Variants in SSU72L5 observed in about 807,000 individuals in gnomAD.
The protein encoded by SSU72L5 is SSU72 like 5, also known as RNA polymerase II subunit A C-terminal domain phosphatase SSU72 like protein 5.
chr11:4,234,261 C>T, the SSU72L5 span, among the ~76,000 whole-genome samples: 1 of 140,912 alleles, frequency 7.1e-6, no homozygotes, highest in African/African-American at 2.8e-5. Context: ...TAGATAAGCA[C>T]CTTTTAAATA....
chr11:4,234,125 C>T, the SSU72L5 span, among the ~76,000 whole-genome samples: 5 of 141,082 alleles, frequency 3.5e-5, no homozygotes, highest in South Asian at 7.1e-4. Context: ...TAATTTCATG[C>T]TTATATCATT....
the SSU72L5 span, among the ~76,000 whole-genome samples, chr11:4,234,099 C>A: frequency 2.9e-5 from 4 of 138,124 alleles, no homozygotes; most frequent in South Asian, 2.4e-4. Context: ...GTGCTAGGTG[C>A]ATTACATGGC....
chr11:4,233,227 G>A, the SSU72L5 span: 3 of 523,750 alleles, frequency 5.7e-6, no homozygotes, highest in Non-Finnish European at 1.0e-5. Flanking sequence ...CGTCTCCTCG[G>A]CTCCGAGACC....
chr11:4,233,240 G>A, the SSU72L5 span: 2 of 520,860 alleles, frequency 3.8e-6, no homozygotes, highest in Non-Finnish European at 6.7e-6. Context: ...CCGAGACCCT[G>A]CAGCAGCTGA....
the SSU72L5 span, among the ~76,000 whole-genome samples, chr11:4,234,185 G>A: frequency 1.0e-3 from 147 of 142,148 alleles, 9 homozygotes; most frequent in Admixed American, 0.01. Context: ...TGAGCAAACC[G>A]AGCTGATAAT....
the SSU72L5 span, chr11:4,233,217 C>T: frequency 2.8e-5 from 15 of 531,318 alleles, no homozygotes; most frequent in South Asian, 1.9e-4. Flanking sequence ...TATAGGTGGT[C>T]GTCTCCTCGG....
chr11:4,234,049 G>A, the SSU72L5 span, among the ~76,000 whole-genome samples: 1 of 131,428 alleles, frequency 7.6e-6, no homozygotes, highest in Admixed American at 7.7e-5. Flanking sequence ...GAAATGAGAA[G>A]GACTAACATT....
At chr11:4,234,205 G>A in the SSU72L5 span, among the ~76,000 whole-genome samples, 1 of 141,712 alleles carries the variant, frequency 7.1e-6, no homozygotes, top group African/African-American at 2.7e-5. Flanking sequence ...TGGACTGCTG[G>A]AAAAATGATT....
At chr11:4,234,162 G>T in the SSU72L5 span, among the ~76,000 whole-genome samples, 3 of 141,836 alleles carry the variant, frequency 2.1e-5, no homozygotes, top group East Asian at 4.2e-4. Flanking sequence ...CCACCATGAC[G>T]CCATTTTCCA....
the SSU72L5 span, chr11:4,233,606 G>A: frequency 1.6e-6 from 1 of 633,350 alleles, no homozygotes; most frequent in Non-Finnish European, 2.8e-6. Flanking sequence ...TTCCTTTGAT[G>A]TCATCTTCAC....
At chr11:4,233,236 C>T in the SSU72L5 span, 1 of 519,428 alleles carries the variant, frequency 1.9e-6, no homozygotes, top group Non-Finnish European at 3.4e-6. Context: ...GGCTCCGAGA[C>T]CCTGCAGCAG....
the SSU72L5 span, among the ~76,000 whole-genome samples, chr11:4,234,210 A>C: frequency 7.0e-6 from 1 of 142,498 alleles, no homozygotes; most frequent in African/African-American, 2.7e-5. Context: ...TGCTGGAAAA[A>C]TGATTTGTTT....
chr11:4,234,080 C>T, the SSU72L5 span, among the ~76,000 whole-genome samples: 2,634 of 110,608 alleles, frequency 0.024, 11 homozygotes, highest in African/African-American at 0.043. Flanking sequence ...CTGAAAAATG[C>T]TTGGCATTGT....
At chr11:4,234,135 T>G in the SSU72L5 span, among the ~76,000 whole-genome samples, 1 of 141,694 alleles carries the variant, frequency 7.1e-6, no homozygotes, top group Non-Finnish European at 1.5e-5. Context: ...CTTATATCAT[T>G]CTACAAGGAA....
the SSU72L5 span, among the ~76,000 whole-genome samples, chr11:4,234,204 G>T: frequency 2.8e-3 from 376 of 132,500 alleles, no homozygotes; most frequent in Middle Eastern, 7.2e-3. Context: ...ATGGACTGCT[G>T]GAAAAATGAT....
chr11:4,234,244 C>T, the SSU72L5 span, among the ~76,000 whole-genome samples: 1 of 142,194 alleles, frequency 7.0e-6, no homozygotes, highest in South Asian at 2.3e-4. Context: ...AGATAAATAA[C>T]ATTGTATAGA....
At chr11:4,234,278 C>A in the SSU72L5 span, among the ~76,000 whole-genome samples, 6 of 140,770 alleles carry the variant, frequency 4.3e-5, 1 homozygote, top group African/African-American at 1.4e-4. Context: ...AATAAAATTC[C>A]TTTTCTCAAT....
chr11:4,233,227 G>C, the SSU72L5 span: 1 of 523,750 alleles, frequency 1.9e-6, no homozygotes, highest in Non-Finnish European at 3.4e-6. Flanking sequence ...CGTCTCCTCG[G>C]CTCCGAGACC....
chr11:4,233,367 G>A, the SSU72L5 span: 1 of 711,522 alleles, frequency 1.4e-6, no homozygotes, highest in Non-Finnish European at 2.6e-6. Context: ...AGCATCCTCA[G>A]GAGAAAAGGG....
Sources: gnomAD v4.1 joint callset for allele counts (sites outside exome capture counted in the v4.1 genomes callset) on GRCh38, gnomAD v4.1.1 for gene constraint, MANE v1.5 for transcripts, NCBI Gene and HGNC (gene_info 2026-07-23, HGNC 2026-07-21) for gene names.